The following JAKMIP1 variants were observed in gnomAD, a reference collection of about 807,000 sequenced individuals.
JAKMIP1 encodes the protein janus kinase and microtubule interacting protein 1.
A neutral mutation model predicts 113.0 loss-of-function variants in JAKMIP1; 33 were observed. The observed-to-expected ratio is 0.29, with a 90% CI of 0.22 to 0.39. The LOEUF (loss-of-function observed/expected upper bound fraction) is 0.39. JAKMIP1 is among the 10% of genes least tolerant of loss of function. The probability of loss-of-function intolerance (pLI) is 1.00; values close to 1 mark genes in which losing one functional copy is unlikely to be tolerated. For missense variants in JAKMIP1, 813 were observed against 1,080.5 expected, an observed-to-expected ratio of 0.75 and a Z score of 3.47; for synonymous variants, 480 against 459.9, an observed-to-expected ratio of 1.04 and a Z score of -0.56.
At chr4:6,163,848 C>G (rs949484597) in intron 1 of JAKMIP1, among the ~76,000 whole-genome samples, 2 of 152,210 alleles carry the variant, frequency 1.3e-5, no homozygotes, top group Non-Finnish European at 2.9e-5. Context: ...ACAACACTCC[C>G]TTAAGCCAAA....
chr4:6,090,820 A>T (rs1239113876), intron 3 of JAKMIP1, among the ~76,000 whole-genome samples: 1 of 151,534 alleles, frequency 6.6e-6, no homozygotes. Flanking sequence ...GACCATAACC[A>T]CCTTAAACTA....
At chr4:6,066,176 C>T (rs1322837379) in intron 8 of JAKMIP1, among the ~76,000 whole-genome samples, 1 of 152,104 alleles carries the variant, frequency 6.6e-6, no homozygotes, top group Non-Finnish European at 1.5e-5. Flanking sequence ...AAAACCCAGG[C>T]ACTCCCCACA....
intron 1 of JAKMIP1, among the ~76,000 whole-genome samples, chr4:6,191,066 G>A (rs1242784996): frequency 6.6e-6 from 1 of 152,228 alleles, no homozygotes; most frequent in Non-Finnish European, 1.5e-5. Flanking sequence ...ATGAACGTGA[G>A]GTTGGAAACT....
chr4:6,081,642 T>A lies in JAKMIP1; in HGVS notation c.1068A>T (p.Lys356Asn). The change falls in exon 6 of 21, where the codon AAA becomes AAT. Residue 356 changes from lysine to asparagine, a missense_variant. Physicochemically the swap from Lys to Asn is moderately conservative, Grantham distance 94. Transcript: ENST00000409021. The surrounding 1 kb of genome is among the most constrained non-coding windows in gnomAD (Gnocchi z 4.6). Reference protein sequence around the residue: ...LLQSIQRMEEKIKNLTRENVE... With the variant: ...LLQSIQRMEENIKNLTRENVE... ...CGTTTTCCCGCGTGAGGTTCTTGAT[T>A]TTCTCCTCCATCCTCTGGATACTCT... is the stretch of plus-strand genomic sequence containing the variant. The A allele has an allele frequency of 6.2e-7, 1 of 1,614,176 alleles. No individual in the cohort carries two copies. Among genetic ancestry groups the A allele is most frequent in the Non-Finnish European group, 8.5e-7 (1 of 1,180,036 alleles).
At chr4:6,127,062 C>T (rs545453239) in intron 1 of JAKMIP1, among the ~76,000 whole-genome samples, 5 of 152,252 alleles carry the variant, frequency 3.3e-5, no homozygotes, top group East Asian at 3.9e-4. Flanking sequence ...CACACCCGGC[C>T]GCACAGAGTT....
chr4:6,128,121 G>A (rs576794710), intron 1 of JAKMIP1, among the ~76,000 whole-genome samples: 64 of 152,274 alleles, frequency 4.2e-4, no homozygotes, highest in African/African-American at 1.3e-3. Flanking sequence ...GCTGGGGCCC[G>A]AGACAGAAAC....
rs1028162845 is a variant in JAKMIP1 at position 6,040,798 on chromosome 4, G to A, written c.2098-82C>T. On this transcript the variant is annotated intron_variant, in intron 17 of 20. Coordinates refer to ENST00000409021, the MANE Select transcript of JAKMIP1 (RefSeq NM_001099433.2). The surrounding 1 kb of genome is among the most constrained non-coding windows in gnomAD (Gnocchi z 5.8). The stretch of plus-strand genomic sequence containing the variant: ...CTTCAGAGCCCGTTTGCTAGAGAGT[G>A]GCAGTCTCACCGAATTGGGGGCACT... 4.5e-6 allele frequency: 5 copies of A among 1,104,432 alleles called. No individual in the cohort carries two copies. The highest frequency in any genetic ancestry group is 3.1e-5 in the African/African-American group (2 of 65,024). 68.4% of individuals were successfully genotyped at this position (1,104,432 alleles called of 1,614,324 possible).
chr4:6,111,691 C>T (rs1714958895), intron 2 of JAKMIP1, among the ~76,000 whole-genome samples: 1 of 152,190 alleles, frequency 6.6e-6, no homozygotes, highest in Non-Finnish European at 1.5e-5. Context: ...TGTGCTCCTC[C>T]CCTCTGTGAC....
Position 6,061,225 on chromosome 4 carries a change from A to G in JAKMIP1, c.1561-718T>C, listed in dbSNP as rs1381721041. ...AAATGTTGGCAAGTAGATGAAATTT[A>G]AAAAGCGAAACAAAAATTATTCAGC... On this transcript the variant is annotated intron_variant, in intron 10 of 20. Transcript: ENST00000409021. The surrounding 1 kb of genome is among the most constrained non-coding windows in gnomAD (Gnocchi z 5.3). Among the ~76,000 whole-genome samples, 1 of 152,252 alleles carries G rather than the reference A, an allele frequency of 6.6e-6. No homozygotes were observed. Among genetic ancestry groups the G allele is most frequent in the Non-Finnish European group, 1.5e-5 (1 of 68,056 alleles).
Position 6,129,960 on chromosome 4 carries a change from G to C in JAKMIP1, c.-147-16963C>G, listed in dbSNP as rs1718268636. Among the ~76,000 whole-genome samples the C allele has an allele frequency of 6.6e-6, 1 of 152,136 alleles. No individual in the cohort carries two copies. Among genetic ancestry groups the C allele is most frequent in the Non-Finnish European group, 1.5e-5 (1 of 68,036 alleles). On this transcript the variant is annotated intron_variant, in intron 1 of 20. Coordinates refer to ENST00000409021, the MANE Select transcript of JAKMIP1 (RefSeq NM_001099433.2). This position sits in a 1 kb window ranked among gnomAD's most constrained non-coding sequence, Gnocchi z 5.4. ...CTCCTGGTCCTAACAAGTCCATCTT[G>C]ATATGTCCCAGTGAAGCCAAGTTCA...
intron 1 of JAKMIP1, among the ~76,000 whole-genome samples, chr4:6,151,039 GC>G (rs1560281029): frequency 6.6e-6 from 1 of 151,412 alleles, no homozygotes; most frequent in Non-Finnish European, 1.5e-5. Context: ...CTTGTGCAGC[GC>G]CCCCGCCATA....
At position 6,088,418 on chromosome 4, in the gene JAKMIP1, C is replaced by T. The variant is rs956049173; in HGVS notation, c.625-2789G>A. Among the ~76,000 whole-genome samples the T allele has an allele frequency of 6.6e-6, 1 of 152,190 alleles. No individual in the cohort carries two copies. Among genetic ancestry groups the T allele is most frequent in the Non-Finnish European group, 1.5e-5 (1 of 68,034 alleles). ...CTTTGCAGTGAAGCCCCCGCCACTG[C>T]CTTCCACTAGCTCCCCACAAAAGAC... is the stretch of plus-strand genomic sequence containing the variant. On this transcript the variant is annotated intron_variant, in intron 3 of 20. Coordinates refer to ENST00000409021, the MANE Select transcript of JAKMIP1 (RefSeq NM_001099433.2). This position sits in a 1 kb window ranked among gnomAD's most constrained non-coding sequence, Gnocchi z 5.5.
At chr4:6,173,921 C>T (rs1174995301) in intron 1 of JAKMIP1, among the ~76,000 whole-genome samples, 1 of 151,198 alleles carries the variant, frequency 6.6e-6, no homozygotes, top group East Asian at 1.9e-4. Context: ...ACTAAAAATA[C>T]AAAAAAAAAA....
chr4:6,047,916 T>C (rs951744517), intron 16 of JAKMIP1, among the ~76,000 whole-genome samples: 9 of 152,210 alleles, frequency 5.9e-5, no homozygotes, highest in Non-Finnish European at 8.8e-5. Flanking sequence ...GTCAAAAAGT[T>C]AGTATTTTTA....
intron 1 of JAKMIP1, among the ~76,000 whole-genome samples, chr4:6,118,327 C>T (rs1045981417): frequency 6.6e-6 from 1 of 152,084 alleles, no homozygotes; most frequent in Non-Finnish European, 1.5e-5. Flanking sequence ...GAAATGGGTC[C>T]CTGCCTGTCA....
chr4:6,078,845 C>A (rs749448124), intron 8 of JAKMIP1, 94 bp downstream of exon 8: 450 of 1,161,418 alleles, frequency 3.9e-4, no homozygotes, highest in Non-Finnish European at 5.4e-4. Flanking sequence ...TGCTTCAGGA[C>A]CCCTCTGTAA....
In JAKMIP1 at chr4:6,108,669, C is replaced by A. The variant is rs1263843374; in HGVS notation, c.130-2702G>T. ...CCCGCCACACCCTCCATGCTCAAAG[C>A]CCTCTAAATCTCATGGGTACCAGTT... On this transcript the variant is annotated intron_variant, in intron 2 of 20. Coordinates refer to ENST00000409021, the MANE Select transcript of JAKMIP1 (RefSeq NM_001099433.2). The surrounding 1 kb of genome is among the most constrained non-coding windows in gnomAD (Gnocchi z 5.6). Among the ~76,000 whole-genome samples the A allele has an allele frequency of 6.6e-6, 1 of 152,202 alleles. No individual in the cohort carries two copies. Among genetic ancestry groups the A allele is most frequent in the African/African-American group, 2.4e-5 (1 of 41,456 alleles).
chr4:6,066,643 C>T (rs1718129107), intron 8 of JAKMIP1, among the ~76,000 whole-genome samples: 1 of 151,886 alleles, frequency 6.6e-6, no homozygotes. Flanking sequence ...CAGGAGTCCT[C>T]CCCTGTCTTC....
chr4:6,067,128 A>C lies in JAKMIP1; in HGVS notation c.1303-2120T>G, dbSNP rs917974115. On this transcript the variant is annotated intron_variant, in intron 8 of 20. Transcript: ENST00000409021. This position sits in a 1 kb window ranked among gnomAD's most constrained non-coding sequence, Gnocchi z 4.6. ...CATAGCACATCTCCCCGCTGACGTAAGATCTGGCAAGCTATTGTGTTTACT... is the reference window on the plus strand; with the variant it reads ...CATAGCACATCTCCCCGCTGACGTACGATCTGGCAAGCTATTGTGTTTACT... Among the ~76,000 whole-genome samples, 3 of 152,128 alleles carry C rather than the reference A, an allele frequency of 2.0e-5. No homozygotes were observed. Among genetic ancestry groups the C allele is most frequent in the African/African-American group, 7.2e-5 (3 of 41,430 alleles).
Sources: gnomAD v4.1 joint callset for allele counts (sites outside exome capture counted in the v4.1 genomes callset) on GRCh38, gnomAD v4.1.1 for gene constraint, Gnocchi (gnomAD v3.1) non-coding constraint, MANE v1.5 for transcripts, NCBI Gene and HGNC (gene_info 2026-07-23, HGNC 2026-07-21) for gene names.